The following SBF2 variants were observed in gnomAD, a reference collection of about 807,000 sequenced individuals.
SBF2 encodes myotubularin-related protein 13.
Under a neutral mutation model 225.2 loss-of-function variants are expected in SBF2, and 112 were observed. The ratio of observed to expected loss-of-function variants is 0.50; its 90% CI spans 0.43 to 0.58. SBF2 has a LOEUF of 0.58. Among genes scored for constraint, SBF2 ranks in the 20% least tolerant of loss-of-function variants. The pLI, the probability that SBF2 is intolerant of heterozygous loss-of-function variation, is 0.00. For missense variants in SBF2, 1,996 were observed against 2,206.2 expected (o/e 0.90, Z 1.91); for synonymous variants, 763 against 773.3 (o/e 0.99, Z 0.22).
At chr11:9,824,599 G>A in intron 28 of SBF2, among the ~76,000 whole-genome samples, 1 of 151,330 alleles carries the variant, frequency 6.6e-6, no homozygotes, top group South Asian at 2.1e-4. Flanking sequence ...AAAGATTGTT[G>A]AAAATCTATG....
chr11:9,897,405 T>C (rs1282112396), intron 16 of SBF2, among the ~76,000 whole-genome samples: 1 of 152,040 alleles, frequency 6.6e-6, no homozygotes, highest in Non-Finnish European at 1.5e-5. Flanking sequence ...ACTCGGCTAA[T>C]TTTTATATTT....
At chr11:10,039,444 A>T (rs1262061515) in intron 3 of SBF2, among the ~76,000 whole-genome samples, 1 of 151,836 alleles carries the variant, frequency 6.6e-6, no homozygotes, top group African/African-American at 2.4e-5. Context: ...TGGTCTTACA[A>T]TTCTGGCTAG....
At chr11:10,118,859 A>G (rs918399954) in intron 2 of SBF2, among the ~76,000 whole-genome samples, 1 of 151,838 alleles carries the variant, frequency 6.6e-6, no homozygotes, top group African/African-American at 2.4e-5. Flanking sequence ...CATTTAGCAA[A>G]TAACTATTGT....
intron 6 of SBF2, among the ~76,000 whole-genome samples, chr11:10,011,500 T>C (rs1237893219): frequency 6.6e-6 from 1 of 152,236 alleles, no homozygotes; most frequent in African/African-American, 2.4e-5. Context: ...ATTTCAGGCG[T>C]GAGCCACCAC....
intron 6 of SBF2, among the ~76,000 whole-genome samples, chr11:10,018,701 C>T (rs769228235): frequency 6.6e-5 from 10 of 152,216 alleles, no homozygotes; most frequent in Non-Finnish European, 1.3e-4. Context: ...ACTTTCTTCA[C>T]ATGTGATTTG....
chr11:10,187,082 T>C (rs987474274), intron 2 of SBF2, among the ~76,000 whole-genome samples: 2 of 152,280 alleles, frequency 1.3e-5, no homozygotes, highest in South Asian at 2.1e-4. Flanking sequence ...GGCTTTGTGA[T>C]TGACTTCTGA....
At chr11:9,809,127 C>T in intron 30 of SBF2, 125 bp from the exon 31 acceptor site, 1 of 689,070 alleles carries the variant, frequency 1.5e-6, no homozygotes, top group Non-Finnish European at 2.6e-6. Context: ...AAAAGAACCA[C>T]ATAATGTTTT....
intron 1 of SBF2, among the ~76,000 whole-genome samples, chr11:10,201,725 C>T (rs1242715251): frequency 6.6e-6 from 1 of 152,174 alleles, no homozygotes; most frequent in Non-Finnish European, 1.5e-5. Flanking sequence ...TGCATTTTTA[C>T]TGACTCACGC....
At chr11:10,158,058 CTG>C (rs778240285) in intron 2 of SBF2, among the ~76,000 whole-genome samples, 9 of 152,006 alleles carry the variant, frequency 5.9e-5, no homozygotes, top group Non-Finnish European at 1.2e-4. Flanking sequence ...ATTCACAAAT[CTG>C]TGGAAATTAA....
At chr11:10,191,097 C>T (rs1957149368) in intron 2 of SBF2, among the ~76,000 whole-genome samples, 1 of 152,154 alleles carries the variant, frequency 6.6e-6, no homozygotes, top group Admixed American at 6.5e-5. Flanking sequence ...TATACAACTG[C>T]TACATATTAA....
rs760903950 is a variant in SBF2, at chr11:9,850,113, G to A, written c.2716C>T (p.Leu906Phe). Residue 906 changes from leucine (L) to phenylalanine (F), a missense_variant, in exon 22 of 40, where the codon CTT (leucine) becomes TTT (phenylalanine). Leu to Phe is a conservative substitution (Grantham distance 22). Transcript: ENST00000256190. The part of the protein sequence containing the change: ...DGREEATGGL[L>F]GGPQLLPAEG... ...GCTGGCAGGAGCTGAGGGCCTCCAA[G>A]AAGACCTCCAGTAGCTTCTTCTCTT... 2 of 1,614,056 alleles carry A rather than the reference G, an allele frequency of 1.2e-6. No homozygotes were observed. Among genetic ancestry groups the A allele is most frequent in the Non-Finnish European group, 8.5e-7 (1 of 1,180,032 alleles).
chr11:9,787,389 T>A (rs1178361689), intron 36 of SBF2, among the ~76,000 whole-genome samples: 1 of 152,164 alleles, frequency 6.6e-6, no homozygotes, highest in Non-Finnish European at 1.5e-5. Flanking sequence ...AACCCAATAC[T>A]TTTCCTTGGA....
intron 28 of SBF2, chr11:9,828,086 G>T: frequency 8.7e-7 from 1 of 1,154,150 alleles, no homozygotes; most frequent in Non-Finnish European, 1.1e-6. Flanking sequence ...CTGCTTTTAA[G>T]CTTGCATCAG....
At chr11:10,126,896 C>T (rs1953782061) in intron 2 of SBF2, among the ~76,000 whole-genome samples, 1 of 152,022 alleles carries the variant, frequency 6.6e-6, no homozygotes, top group Non-Finnish European at 1.5e-5. Context: ...CCATGGATGA[C>T]CCTTGAAGTC....
At chr11:9,903,220 G>C (rs768314622) in intron 16 of SBF2, among the ~76,000 whole-genome samples, 2 of 152,152 alleles carry the variant, frequency 1.3e-5, no homozygotes, top group Admixed American at 6.5e-5. Context: ...TACTAGGGAG[G>C]CTGAGGCAGG....
intron 14 of SBF2, among the ~76,000 whole-genome samples, chr11:9,967,250 G>T (rs4910088): frequency 0.51 from 77,457 of 151,670 alleles, 20,267 homozygotes; most frequent in Admixed American, 0.61. Context: ...CGGGCGCCTG[G>T]AGTCCCAGCT....
intron 17 of SBF2, among the ~76,000 whole-genome samples, chr11:9,877,522 T>C (rs1191752109): frequency 6.6e-6 from 1 of 152,170 alleles, no homozygotes; most frequent in Non-Finnish European, 1.5e-5. Context: ...CATCAGGTAT[T>C]TCTCCTAATG....
intron 28 of SBF2, among the ~76,000 whole-genome samples, chr11:9,825,484 G>A (rs1254828311): frequency 1.3e-5 from 2 of 152,044 alleles, no homozygotes; most frequent in African/African-American, 4.8e-5. Flanking sequence ...CCAATACAAC[G>A]ACTTCAAGGC....
chr11:10,041,333 T>TA (rs1003345586), intron 3 of SBF2, among the ~76,000 whole-genome samples: 2 of 152,162 alleles, frequency 1.3e-5, no homozygotes, highest in Admixed American at 6.5e-5. Flanking sequence ...AGAGGAGACT[T>TA]AAAGTCACAG....
Sources: gnomAD v4.1 joint callset for allele counts (sites outside exome capture counted in the v4.1 genomes callset) on GRCh38, gnomAD v4.1.1 for gene constraint, MANE v1.5 for transcripts, NCBI Gene and HGNC (gene_info 2026-07-23, HGNC 2026-07-21) for gene names.